The following CFDP1 variants were observed in gnomAD, a reference collection of about 807,000 sequenced individuals.
CFDP1 encodes chromatin remodeling protein CFDP1.
In CFDP1, 31 loss-of-function variants were observed where a neutral mutation model predicts 40.1. The ratio of observed to expected loss-of-function variants is 0.77; its 90% CI spans 0.58 to 1.04. The LOEUF (loss-of-function observed/expected upper bound fraction) is 1.04. Ranked by LOEUF, CFDP1 falls within the 50% of genes least tolerant of loss-of-function variation. The pLI, the probability that CFDP1 is intolerant of heterozygous loss-of-function variation, is 0.00. For missense variants in CFDP1, 423 were observed against 343.4 expected, an observed-to-expected ratio of 1.23 and a Z score of -1.83; for synonymous variants, 167 against 120.0, an observed-to-expected ratio of 1.39 and a Z score of -2.56.
At chr16:75,379,649 G>T (rs1485429624) in intron 5 of CFDP1, among the ~76,000 whole-genome samples, 1 of 151,964 alleles carries the variant, frequency 6.6e-6, no homozygotes, top group Non-Finnish European at 1.5e-5. Context: ...AGAACATGAG[G>T]AATCTTAGCA....
At chr16:75,355,972 TG>T (rs2078642095) in intron 5 of CFDP1, among the ~76,000 whole-genome samples, 1 of 152,244 alleles carries the variant, frequency 6.6e-6, no homozygotes, top group African/African-American at 2.4e-5. Flanking sequence ...ATATTTCCAT[TG>T]TATCTGCAGT....
chr16:75,420,385 TA>T (rs1427597245), intron 1 of CFDP1, among the ~76,000 whole-genome samples: 1 of 152,204 alleles, frequency 6.6e-6, no homozygotes, highest in Non-Finnish European at 1.5e-5. Flanking sequence ...CATTTAGATC[TA>T]ACTTCTGATT....
In CFDP1 at chr16:75,398,261, G is replaced by A. The variant is rs560447604; in HGVS notation, c.531-3052C>T. On this transcript the variant is annotated intron_variant, in intron 4 of 6. Coordinates refer to ENST00000283882, the MANE Select transcript of CFDP1 (RefSeq NM_006324.3). ...TAAGAAAACTGAAATATAAGGTTGC[G>A]TTACTTATTCAAGGCTATCCTGAGA... Among the ~76,000 whole-genome samples, 67 of 152,328 alleles carry A rather than the reference G, an allele frequency of 4.4e-4. 3 individuals carry two copies. The South Asian group carries it at 0.012, about 27-fold the overall frequency.
chr16:75,395,300 C>T, intron 4 of CFDP1, 91 bp from the exon 5 acceptor site: 1 of 1,332,892 alleles, frequency 7.5e-7, no homozygotes, highest in South Asian at 1.3e-5. Flanking sequence ...AGAAAAAGAT[C>T]CACTCGGCTT....
rs184540867 is a variant in CFDP1, at chr16:75,395,349, T to G, written c.531-140A>C. 3.6e-4 allele frequency: 322 copies of G among 900,466 alleles called. No homozygotes were observed. In the African/African-American group the frequency reaches 4.7e-3, roughly 13 times the overall value. The allele number at this position is 900,466 out of a possible 1,614,324, so 55.8% of individuals were successfully genotyped here. Reference sequence around the variant, plus strand: ...GACGCTCAGCATTATGATAAAAGTTTACTATAACTTTCAATAAAGACATTT... The same window carrying G: ...GACGCTCAGCATTATGATAAAAGTTGACTATAACTTTCAATAAAGACATTT... On this transcript the variant is annotated intron_variant, in intron 4 of 6. Coordinates refer to ENST00000283882, the MANE Select transcript of CFDP1 (RefSeq NM_006324.3).
In CFDP1 at chr16:75,409,151, G is replaced by A. The variant is rs192773213; in HGVS notation, c.530+2674C>T. ...TGGGATTACAGGCATGAGCCACCGT[G>A]CCAGGCCAGTTTTTTGTTTTAATAA... On this transcript the variant is annotated intron_variant, in intron 4 of 6. Transcript: ENST00000283882. 7.2e-5 allele frequency among the ~76,000 whole-genome samples: 11 copies of A among 152,180 alleles called. No individual in the cohort carries two copies. In the East Asian group the frequency reaches 2.1e-3, roughly 29 times the overall value.
rs758461409 is a variant in CFDP1 at position 75,395,092 on chromosome 16, T to C, written c.648A>G (p.Ser216=). ...GGGAGTGAGACTCAAATACTCACCCTGACCCGGCAGGGAGTGATGGCAGAG... is the reference window on the plus strand; with the variant it reads ...GGGAGTGAGACTCAAATACTCACCCCGACCCGGCAGGGAGTGATGGCAGAG... ...PSALPSLPAG[S]GLKRSSGMSS... Residue 216 remains serine (S), a splice_region_variant and synonymous_variant, in exon 5 of 7, where the codon TCA becomes TCG. Coordinates refer to ENST00000283882, the MANE Select transcript of CFDP1 (RefSeq NM_006324.3). 3 of 1,613,574 alleles carry C rather than the reference T, an allele frequency of 1.9e-6. No individual in the cohort carries two copies. Among genetic ancestry groups the C allele is most frequent in the Admixed American group, 1.7e-5 (1 of 59,994 alleles).
At chr16:75,317,238 C>T (rs977166917) in intron 5 of CFDP1, among the ~76,000 whole-genome samples, 1 of 152,154 alleles carries the variant, frequency 6.6e-6, no homozygotes, top group African/African-American at 2.4e-5. Flanking sequence ...TCTGACCTGC[C>T]GCCAGACCTC....
At chr16:75,299,020 C>T (rs980701860) in intron 6 of CFDP1, among the ~76,000 whole-genome samples, 2 of 152,122 alleles carry the variant, frequency 1.3e-5, no homozygotes, top group Non-Finnish European at 2.9e-5. Context: ...CCCCTTAAGT[C>T]AGTTGGCCCC....
Position 75,411,681 on chromosome 16 carries a change from A to G in CFDP1, c.530+144T>C, listed in dbSNP as rs572041840. ...CCTTTCTCATACTCCCTGGTAATTT[A>G]TAGAGCCAGTTTTCCTTGAGTTCAA... On this transcript the variant is annotated intron_variant, in intron 4 of 6. Transcript: ENST00000283882. 76 of 794,382 alleles carry G rather than the reference A, an allele frequency of 9.6e-5. No homozygotes were observed. The East Asian group carries it at 1.7e-3, about 18-fold the overall frequency. 49.2% of individuals were successfully genotyped at this position (794,382 alleles called of 1,614,324 possible). A position where few individuals can be genotyped will look rare whatever the true frequency, so the allele number is the denominator to read the frequency against.
intron 5 of CFDP1, among the ~76,000 whole-genome samples, chr16:75,326,484 G>A (rs1397219771): frequency 6.6e-6 from 1 of 152,186 alleles, no homozygotes; most frequent in African/African-American, 2.4e-5. Context: ...AGAAAAGATG[G>A]CCACTCCCTA....
At chr16:75,332,418 T>C (rs990931491) in intron 5 of CFDP1, among the ~76,000 whole-genome samples, 3 of 151,986 alleles carry the variant, frequency 2.0e-5, no homozygotes, top group African/African-American at 7.3e-5. Context: ...TGAGCAGAGA[T>C]TGTGCCACTG....
At chr16:75,394,961 G>C (rs1032840696) in intron 5 of CFDP1, 129 bp downstream of exon 5, 2 of 1,157,696 alleles carry the variant, frequency 1.7e-6, no homozygotes, top group African/African-American at 3.1e-5. Context: ...AAATATTGCA[G>C]CAAAGGCAAA....
intron 4 of CFDP1, among the ~76,000 whole-genome samples, chr16:75,405,715 A>T (rs1247452667): frequency 6.9e-6 from 1 of 145,712 alleles, no homozygotes; most frequent in Non-Finnish European, 1.5e-5. Context: ...GTGTCATTGC[A>T]CTCCAGCCTG....
At position 75,395,218 on chromosome 16, in the gene CFDP1, A is replaced by G. The variant is rs137946873; in HGVS notation, c.531-9T>C. The G allele has an allele frequency of 3.1e-6, 5 of 1,612,852 alleles. No homozygotes were observed. Among genetic ancestry groups the G allele is most frequent in the Non-Finnish European group, 4.2e-6 (5 of 1,179,260 alleles). Reference sequence around the variant, plus strand: ...CCACTTCCTTAGTTACCCTGTGCCAAGGAAAAAGACATCAAGCTTACAAGA... The same window carrying G: ...CCACTTCCTTAGTTACCCTGTGCCAGGGAAAAAGACATCAAGCTTACAAGA... On this transcript the variant is annotated splice_polypyrimidine_tract_variant and intron_variant, in intron 4 of 6. Coordinates refer to ENST00000283882, the MANE Select transcript of CFDP1 (RefSeq NM_006324.3).
Position 75,423,691 on chromosome 16 carries a change from T to A in CFDP1, c.65-8996A>T, listed in dbSNP as rs948965176. Among the ~76,000 whole-genome samples the A allele has an allele frequency of 3.9e-5, 6 of 152,094 alleles. No homozygotes were observed. In the East Asian group the frequency reaches 1.2e-3, roughly 29 times the overall value. On this transcript the variant is annotated intron_variant, in intron 1 of 6. Coordinates refer to ENST00000283882, the MANE Select transcript of CFDP1 (RefSeq NM_006324.3). ...CACCTCGCCCGGCTAATTTTTTGTATTTTTAGTTGAGACGGGGTTTCACCA... is the reference window on the plus strand; with the variant it reads ...CACCTCGCCCGGCTAATTTTTTGTAATTTTAGTTGAGACGGGGTTTCACCA...
Position 75,375,619 on chromosome 16 carries a change from C to T in CFDP1, c.650+19471G>A, listed in dbSNP as rs141397642. Among the ~76,000 whole-genome samples, 218 of 152,040 alleles carry T rather than the reference C, an allele frequency of 1.4e-3. 1 individual carries two copies. Among genetic ancestry groups the T allele is most frequent in the African/African-American group, 5.2e-3 (215 of 41,468 alleles). ...CCACTCTGACTAATATGATGAAACC[C>T]CATCTCCACAAAAAATACAAAAATT... On this transcript the variant is annotated intron_variant, in intron 5 of 6. Coordinates refer to ENST00000283882, the MANE Select transcript of CFDP1 (RefSeq NM_006324.3).
In CFDP1 at chr16:75,411,831, T is replaced by A; in HGVS notation, c.524A>T (p.Glu175Val). The A allele has an allele frequency of 6.2e-7, 1 of 1,609,226 alleles. No homozygotes were observed. Among genetic ancestry groups the A allele is most frequent in the Non-Finnish European group, 8.5e-7 (1 of 1,179,060 alleles). ...ITKVFDFAGE[E>V]VRVTKEVDAT... Reference sequence around the variant, plus strand: ...TTTTTGAAGGTTCTCTTACCTTACTTCTTCACCAGCAAAATCAAACACCTT... The same window carrying A: ...TTTTTGAAGGTTCTCTTACCTTACTACTTCACCAGCAAAATCAAACACCTT... Residue 175 changes from glutamate to valine, a missense_variant, in exon 4 of 7, where the codon GAA (glutamate) becomes GTA (valine). Physicochemically the swap from Glu to Val is moderately radical, Grantham distance 121. Transcript: ENST00000283882.
chr16:75,373,980 C>T (rs758626015), intron 5 of CFDP1, among the ~76,000 whole-genome samples: 1 of 152,102 alleles, frequency 6.6e-6, no homozygotes. Context: ...TGGCCAGGCA[C>T]GGTGGCTCAC....
Sources: gnomAD v4.1 joint callset for allele counts (sites outside exome capture counted in the v4.1 genomes callset) on GRCh38, gnomAD v4.1.1 for gene constraint, MANE v1.5 for transcripts, NCBI Gene and HGNC (gene_info 2026-07-23, HGNC 2026-07-21) for gene names.